The following SUPT3H variants were observed in gnomAD, a reference collection of about 807,000 sequenced individuals.
SUPT3H encodes the protein SPT3 homolog, SAGA and STAGA complex component, also known as transcription initiation protein SPT3 homolog.
SUPT3H carries 44 observed loss-of-function variants against 44.3 expected under a neutral mutation model. That is an observed-to-expected ratio of 0.99 (90% confidence interval 0.78 to 1.28). The LOEUF is 1.28. Ranked by LOEUF, SUPT3H falls within the 50% of genes most tolerant of loss-of-function variation. The probability of loss-of-function intolerance (pLI) is 0.00; values close to 1 mark genes in which losing one functional copy is unlikely to be tolerated. For missense variants in SUPT3H, 380 were observed against 387.1 expected (o/e 0.98, Z 0.15); for synonymous variants, 124 against 125.6 (o/e 0.99, Z 0.09).
intron 1 of SUPT3H, among the ~76,000 whole-genome samples, chr6:45,374,460 T>C (rs1796499243): frequency 6.6e-6 from 1 of 152,182 alleles, no homozygotes; most frequent in Non-Finnish European, 1.5e-5. Flanking sequence ...CCAAATCACA[T>C]GGTTAGGAAG....
At chr6:45,235,198 C>A (rs1768860544) in intron 2 of SUPT3H, among the ~76,000 whole-genome samples, 1 of 152,200 alleles carries the variant, frequency 6.6e-6, no homozygotes, top group Non-Finnish European at 1.5e-5. Flanking sequence ...ATGAATTTTT[C>A]TGCATCAGTA....
intron 2 of SUPT3H, among the ~76,000 whole-genome samples, chr6:45,122,132 C>G (rs1383103305): frequency 2.0e-5 from 3 of 151,904 alleles, no homozygotes; most frequent in Non-Finnish European, 4.4e-5. Flanking sequence ...TTTACCATAA[C>G]TATATTTTCA....
chr6:45,344,459 A>C (rs1221910836), intron 2 of SUPT3H, among the ~76,000 whole-genome samples: 1 of 151,928 alleles, frequency 6.6e-6, no homozygotes, highest in Non-Finnish European at 1.5e-5. Flanking sequence ...TTCATGTCCA[A>C]ATGAGCAGTG....
chr6:45,089,482 G>A (rs528790857), intron 3 of SUPT3H, among the ~76,000 whole-genome samples: 2 of 151,804 alleles, frequency 1.3e-5, no homozygotes, highest in Non-Finnish European at 2.9e-5. Context: ...CTTCTTCTGC[G>A]TCTCTCATCA....
At chr6:45,147,650 C>T (rs11962220) in intron 2 of SUPT3H, among the ~76,000 whole-genome samples, 3,532 of 151,812 alleles carry the variant, frequency 0.023, 50 homozygotes, top group Non-Finnish European at 0.035. Flanking sequence ...GGCTTCAGTG[C>T]CTGGTGTCAT....
chr6:45,116,385 C>T (rs1800848722), intron 2 of SUPT3H, among the ~76,000 whole-genome samples: 1 of 152,140 alleles, frequency 6.6e-6, no homozygotes, highest in Non-Finnish European at 1.5e-5. Flanking sequence ...TACACACATA[C>T]ACTTGTATCT....
chr6:45,265,159 T>C (rs1429977203), intron 2 of SUPT3H, among the ~76,000 whole-genome samples: 1 of 152,090 alleles, frequency 6.6e-6, no homozygotes, highest in African/African-American at 2.4e-5. Flanking sequence ...ATACATACAA[T>C]AGAAAAGACC....
chr6:44,825,458 G>A (rs943175967), downstream of SUPT3H, among the ~76,000 whole-genome samples: 1 of 152,148 alleles, frequency 6.6e-6, no homozygotes, highest in Non-Finnish European at 1.5e-5. Context: ...GTGTAACAGT[G>A]GTTAACAGCA....
chr6:44,953,674 G>A (rs919879231), intron 8 of SUPT3H, among the ~76,000 whole-genome samples: 1 of 152,168 alleles, frequency 6.6e-6, no homozygotes, highest in Admixed American at 6.5e-5. Context: ...TAAGTCCAGA[G>A]ATTCTAATTC....
intron 3 of SUPT3H, among the ~76,000 whole-genome samples, chr6:45,102,806 G>C (rs959682669): frequency 6.6e-6 from 1 of 152,098 alleles, no homozygotes; most frequent in Non-Finnish European, 1.5e-5. Context: ...GCTGGGCGTG[G>C]TGGCACACCT....
intron 2 of SUPT3H, among the ~76,000 whole-genome samples, chr6:45,286,837 C>G (rs756209214): frequency 6.6e-6 from 1 of 152,180 alleles, no homozygotes; most frequent in Non-Finnish European, 1.5e-5. Flanking sequence ...GACTAGGAAC[C>G]AAGCCAAATG....
At position 45,070,179 on chromosome 6, in the gene SUPT3H, C is replaced by T. The variant is rs373424388; in HGVS notation, c.186+35743G>A. Among the ~76,000 whole-genome samples the T allele has an allele frequency of 9.9e-5, 15 of 152,170 alleles. No individual in the cohort carries two copies. In the East Asian group the frequency reaches 1.4e-3, roughly 14 times the overall value. On this transcript the variant is annotated intron_variant, in intron 3 of 10. Coordinates refer to ENST00000371459, the MANE Select transcript of SUPT3H (RefSeq NM_003599.4). ...ATCATTGGATTTTCCAGATTGACTTCGCATAATCTGGAAACTTAAGGGGAA... is the reference window on the plus strand; with the variant it reads ...ATCATTGGATTTTCCAGATTGACTTTGCATAATCTGGAAACTTAAGGGGAA...
chr6:44,959,605 TTG>T (rs1323904481), intron 7 of SUPT3H, among the ~76,000 whole-genome samples: 2 of 152,086 alleles, frequency 1.3e-5, no homozygotes, highest in African/African-American at 4.8e-5. Context: ...ATTATGAGCT[TTG>T]TGTGTCAATA....
rs531510663 is a variant in SUPT3H at position 44,872,614 on chromosome 6, C to T, written c.913-42757G>A. Among the ~76,000 whole-genome samples, 815 of 148,548 alleles carry T rather than the reference C, an allele frequency of 5.5e-3. 12 individuals are homozygous for T. The highest frequency in any genetic ancestry group is 0.019 in the African/African-American group (785 of 40,486). On this transcript the variant is annotated intron_variant, in intron 10 of 10. Coordinates refer to ENST00000371459, the MANE Select transcript of SUPT3H (RefSeq NM_003599.4). ...ACTAACGAGCAAAACCACCAGCTAA[C>T]ATCATAATGACAGGATCAAATTCAA...
At chr6:45,297,077 T>A (rs201396129) in intron 2 of SUPT3H, among the ~76,000 whole-genome samples, 26 of 141,456 alleles carry the variant, frequency 1.8e-4, no homozygotes, top group East Asian at 6.2e-4. Flanking sequence ...GAAATAAATT[T>A]AAAAAAAAAA....
chr6:45,001,053 C>T (rs1031447593), intron 6 of SUPT3H, among the ~76,000 whole-genome samples: 5 of 152,068 alleles, frequency 3.3e-5, no homozygotes, highest in East Asian at 1.9e-4. Context: ...CAGTTCCTCA[C>T]TGACAAGAAA....
intron 2 of SUPT3H, among the ~76,000 whole-genome samples, chr6:45,176,448 C>A (rs1811888533): frequency 6.6e-6 from 1 of 152,150 alleles, no homozygotes; most frequent in South Asian, 2.1e-4. Flanking sequence ...TCCCTGATTG[C>A]TAGCACAGCA....
intron 10 of SUPT3H, among the ~76,000 whole-genome samples, chr6:44,902,485 T>C (rs553545848): frequency 1.3e-5 from 2 of 152,224 alleles, no homozygotes; most frequent in South Asian, 4.2e-4. Flanking sequence ...GAGCTAACTA[T>C]CCTAAATATA....
At chr6:44,861,184 C>A (rs1774599617) in intron 10 of SUPT3H, among the ~76,000 whole-genome samples, 1 of 152,102 alleles carries the variant, frequency 6.6e-6, no homozygotes, top group African/African-American at 2.4e-5. Context: ...CCTGGTGATC[C>A]TCCTGCCTCA....
Sources: gnomAD v4.1 joint callset for allele counts (sites outside exome capture counted in the v4.1 genomes callset) on GRCh38, gnomAD v4.1.1 for gene constraint, MANE v1.5 for transcripts, NCBI Gene and HGNC (gene_info 2026-07-23, HGNC 2026-07-21) for gene names.